Variants in RAB38 observed in about 807,000 individuals in gnomAD.
RAB38 encodes the protein ras-related protein Rab-38.
Under a neutral mutation model 18.4 loss-of-function variants are expected in RAB38, and 15 were observed. The observed-to-expected ratio is 0.82, with a 90% CI of 0.55 to 1.26. The LOEUF is 1.26. RAB38 is among the 50% of genes most tolerant of loss of function. RAB38 has a pLI of 0.00. For missense variants in RAB38, 294 were observed against 267.4 expected (o/e 1.10, Z -0.69); for synonymous variants, 101 against 104.4 (o/e 0.97, Z 0.20).
the RAB38 span, among the ~76,000 whole-genome samples, chr11:87,956,448 G>T: frequency 2.6e-5 from 4 of 152,088 alleles, no homozygotes; most frequent in African/African-American, 9.7e-5. Flanking sequence ...CTGCTGCAGA[G>T]ATTTGCTTAG....
chr11:88,118,740 C>T (rs183384507), intron 2 of RAB38, among the ~76,000 whole-genome samples: 1 of 152,124 alleles, frequency 6.6e-6, no homozygotes, highest in Admixed American at 6.5e-5. Flanking sequence ...AATGCGTGTT[C>T]TTCTTTGCAC....
At chr11:87,884,078 T>A in the RAB38 span, among the ~76,000 whole-genome samples, 6 of 152,090 alleles carry the variant, frequency 3.9e-5, no homozygotes, top group East Asian at 1.2e-3. Flanking sequence ...TCTTAGATGA[T>A]TGAGCTAAAG....
chr11:87,925,999 C>A, the RAB38 span, among the ~76,000 whole-genome samples: 4 of 151,830 alleles, frequency 2.6e-5, no homozygotes, highest in Non-Finnish European at 5.9e-5. Context: ...TGGTTCATGT[C>A]AGAATGCCCC....
chr11:87,965,812 A>G, the RAB38 span, among the ~76,000 whole-genome samples: 3 of 152,194 alleles, frequency 2.0e-5, no homozygotes, highest in Non-Finnish European at 4.4e-5. Context: ...AGAGGGAGTT[A>G]GGCCTAAGGT....
At chr11:88,159,050 T>G (rs1418086915) in intron 1 of RAB38, among the ~76,000 whole-genome samples, 1 of 151,968 alleles carries the variant, frequency 6.6e-6, no homozygotes, top group African/African-American at 2.4e-5. Context: ...ATGACTTCAG[T>G]AAAATTTCAG....
intron 1 of RAB38, among the ~76,000 whole-genome samples, chr11:88,158,786 C>A (rs78694455): frequency 6.6e-6 from 1 of 151,874 alleles, no homozygotes; most frequent in African/African-American, 2.4e-5. Flanking sequence ...TAAGAGTGAT[C>A]GATGACAAAC....
chr11:87,951,502 G>GT, the RAB38 span, among the ~76,000 whole-genome samples: 58 of 149,002 alleles, frequency 3.9e-4, no homozygotes, highest in South Asian at 2.1e-3. Flanking sequence ...TTTCTGCTCT[G>GT]TTTTTTTTTT....
At chr11:87,855,334 C>T in the RAB38 span, among the ~76,000 whole-genome samples, 1 of 152,102 alleles carries the variant, frequency 6.6e-6, no homozygotes, top group African/African-American at 2.4e-5. Context: ...ACATAGTTTC[C>T]ATGGTGATCT....
At chr11:87,901,178 TA>T in the RAB38 span, among the ~76,000 whole-genome samples, 1 of 151,562 alleles carries the variant, frequency 6.6e-6, no homozygotes, top group Non-Finnish European at 1.5e-5. Flanking sequence ...TATAAACATT[TA>T]TTAAAGGCTT....
chr11:88,165,960 C>G (rs1943238676), intron 1 of RAB38: 1 of 151,984 alleles, frequency 6.6e-6, no homozygotes, highest in African/African-American at 2.4e-5. Context: ...GTATGGGACT[C>G]AAGGGAGGAA....
the RAB38 span, among the ~76,000 whole-genome samples, chr11:87,810,886 G>A: frequency 2.1e-4 from 32 of 152,160 alleles, no homozygotes; most frequent in South Asian, 4.6e-3. Flanking sequence ...TGCGTCCTCA[G>A]AAGAAAGAAT....
chr11:87,960,961 T>C, the RAB38 span, among the ~76,000 whole-genome samples: 1 of 152,192 alleles, frequency 6.6e-6, no homozygotes, highest in Admixed American at 6.5e-5. Flanking sequence ...AGGAAGGGAA[T>C]GAAGACAAAT....
chr11:88,060,649 A>T, the RAB38 span, among the ~76,000 whole-genome samples: 1 of 152,172 alleles, frequency 6.6e-6, no homozygotes. Flanking sequence ...CAATCTTGGC[A>T]CATTTGGGGC....
the RAB38 span, among the ~76,000 whole-genome samples, chr11:88,040,024 C>A: frequency 6.6e-6 from 1 of 152,126 alleles, no homozygotes; most frequent in African/African-American, 2.4e-5. Context: ...CTTGTTTAGC[C>A]TAGAAGCAGT....
the RAB38 span, among the ~76,000 whole-genome samples, chr11:87,844,264 T>G: frequency 6.6e-6 from 1 of 152,206 alleles, no homozygotes; most frequent in Admixed American, 6.5e-5. Context: ...AGGATAGTAA[T>G]TCATTTAGAA....
intron 2 of RAB38, among the ~76,000 whole-genome samples, chr11:88,116,770 T>C (rs2134771852): frequency 6.6e-6 from 1 of 152,326 alleles, no homozygotes; most frequent in African/African-American, 2.4e-5. Flanking sequence ...GAAAGGGCCT[T>C]TCTTCGTATA....
At chr11:87,847,893 G>C in the RAB38 span, among the ~76,000 whole-genome samples, 3 of 152,006 alleles carry the variant, frequency 2.0e-5, no homozygotes, top group African/African-American at 7.2e-5. Context: ...TATAATATGG[G>C]GCAGAATAAA....
the RAB38 span, among the ~76,000 whole-genome samples, chr11:88,050,459 G>A: frequency 6.6e-6 from 1 of 152,140 alleles, no homozygotes; most frequent in African/African-American, 2.4e-5. Flanking sequence ...TCTGGGGCAT[G>A]ATTGTACGTA....
intron 2 of RAB38, among the ~76,000 whole-genome samples, chr11:88,141,937 A>G (rs1942920976): frequency 6.6e-6 from 1 of 152,060 alleles, no homozygotes; most frequent in Admixed American, 6.5e-5. Flanking sequence ...CCTCTCTCCA[A>G]CCAACATGCC....
Sources: gnomAD v4.1 joint callset for allele counts (sites outside exome capture counted in the v4.1 genomes callset) on GRCh38, gnomAD v4.1.1 for gene constraint, MANE v1.5 for transcripts, NCBI Gene and HGNC (gene_info 2026-07-23, HGNC 2026-07-21) for gene names.